The following HAO1 variants were observed in gnomAD, a reference collection of about 807,000 sequenced individuals.
HAO1 encodes 2-Hydroxyacid oxidase 1.
Under a neutral mutation model 39.7 loss-of-function variants are expected in HAO1, and 34 were observed. The ratio of observed to expected loss-of-function variants is 0.86; its 90% confidence interval spans 0.65 to 1.14. The LOEUF (loss-of-function observed/expected upper bound fraction) is 1.14. Ranked by LOEUF, HAO1 falls within the 50% of genes most tolerant of loss-of-function variation. The pLI is 0.00. For missense variants in HAO1, 479 were observed against 464.5 expected (o/e 1.03, Z -0.29); for synonymous variants, 172 against 173.2 (o/e 0.99, Z 0.05).
chr20:7,910,275 G>A (rs1173872784), intron 3 of HAO1, among the ~76,000 whole-genome samples: 2 of 152,152 alleles, frequency 1.3e-5, no homozygotes, highest in Non-Finnish European at 2.9e-5. Flanking sequence ...AGTTTTCAGA[G>A]ACTCAAAATG....
chr20:7,916,523 A>G (rs1311442885), intron 2 of HAO1, among the ~76,000 whole-genome samples: 1 of 152,190 alleles, frequency 6.6e-6, no homozygotes, highest in East Asian at 1.9e-4. Flanking sequence ...AATGAAACAC[A>G]GATTTCTGGG....
Position 7,906,157 on chromosome 20 carries a change from T to TTG in HAO1, c.717_718insCA (p.Arg240GlnfsTer14). ...TCAAGTAGAGAAATAAACGAACCTC[T>TTG]CAAAATGCCCTTTGCAACAATTGGC... On this transcript the variant is annotated frameshift_variant, in exon 4 of 8. Transcript: ENST00000378789. LOFTEE classifies it high-confidence loss of function. 1 of 1,609,040 alleles carries TTG rather than the reference T, an allele frequency of 6.2e-7. No individual in the cohort carries two copies.
intron 5 of HAO1, among the ~76,000 whole-genome samples, chr20:7,888,245 T>G (rs538886348): frequency 6.6e-6 from 1 of 152,194 alleles, no homozygotes; most frequent in South Asian, 2.1e-4. Flanking sequence ...GAGTAAGGGA[T>G]GTAGAAAGAA....
In HAO1 at chr20:7,894,995, A is replaced by C; in HGVS notation, c.813+138T>G. The C allele has an allele frequency of 6.2e-6, 4 of 640,380 alleles. No homozygotes were observed. The South Asian group carries it at 8.5e-5, about 14-fold the overall frequency. The allele number at this position is 640,380 out of a possible 1,614,324, so 39.7% of individuals were successfully genotyped here. On this transcript the variant is annotated intron_variant, in intron 5 of 7. Transcript: ENST00000378789. The stretch of plus-strand genomic sequence containing the variant: ...TATGTGCCACTAAACTTAAAATCCA[A>C]GATCTCACATATTTGCACGTATTTC...
intron 2 of HAO1, among the ~76,000 whole-genome samples, chr20:7,917,511 T>A (rs1319471749): frequency 6.6e-6 from 1 of 152,030 alleles, no homozygotes; most frequent in African/African-American, 2.4e-5. Flanking sequence ...ATAAATGTAC[T>A]CCCTCAATAT....
intron 2 of HAO1, among the ~76,000 whole-genome samples, chr20:7,921,684 G>C (rs2050333734): frequency 6.6e-6 from 1 of 152,092 alleles, no homozygotes; most frequent in South Asian, 2.1e-4. Flanking sequence ...ATTCACAATA[G>C]CAAAGACATG....
chr20:7,885,788 C>T lies in HAO1; in HGVS notation c.890G>A (p.Gly297Asp), dbSNP rs772385342. The change falls in exon 6 of 8, where the codon GGC becomes GAC. Residue 297 changes from glycine (G) to aspartate (D), a missense_variant. Physicochemically the swap from Gly to Asp is moderately conservative, Grantham distance 94. Transcript: ENST00000378789. ...EVFLDGGVRK[G>D]TDVLKALALG... ...AGCCAGAGCTTTCAGAACATCAGTG[C>T]CTTTCCGCACACCCCCGTCCAGGAA... The T allele has an allele frequency of 3.7e-6, 6 of 1,613,252 alleles. No individual in the cohort carries two copies. Among genetic ancestry groups the T allele is most frequent in the Non-Finnish European group, 5.1e-6 (6 of 1,179,344 alleles).
intron 5 of HAO1, among the ~76,000 whole-genome samples, chr20:7,893,144 T>C (rs1287128181): frequency 2.6e-4 from 39 of 152,138 alleles, no homozygotes; most frequent in Admixed American, 2.6e-3. Flanking sequence ...TCCTTATCTA[T>C]CCAGGCAGAT....
At chr20:7,889,371 GA>G (rs369209671) in intron 5 of HAO1, among the ~76,000 whole-genome samples, 3 of 151,428 alleles carry the variant, frequency 2.0e-5, no homozygotes, top group Non-Finnish European at 2.9e-5. Flanking sequence ...ATGAAAAATT[GA>G]AAAAAAATGC....
intron 2 of HAO1, 36 bp downstream of exon 2, chr20:7,934,448 C>A: frequency 1.3e-6 from 2 of 1,561,124 alleles, no homozygotes; most frequent in African/African-American, 1.4e-5. Flanking sequence ...AAACGTTAGC[C>A]TCCTTCTGTC....
chr20:7,889,371 G>GA (rs369209671), intron 5 of HAO1, among the ~76,000 whole-genome samples: 19 of 151,306 alleles, frequency 1.3e-4, no homozygotes, highest in African/African-American at 3.6e-4. Context: ...ATGAAAAATT[G>GA]AAAAAAAATG....
chr20:7,914,981 G>A (rs1391171735), intron 2 of HAO1, among the ~76,000 whole-genome samples: 4 of 152,200 alleles, frequency 2.6e-5, no homozygotes, highest in African/African-American at 7.2e-5. Flanking sequence ...TTAACCGGGC[G>A]TGGTCATGGG....
intron 7 of HAO1, among the ~76,000 whole-genome samples, chr20:7,884,577 G>T (rs533620375): frequency 6.6e-6 from 1 of 152,172 alleles, no homozygotes. Context: ...TGGAGGAAGA[G>T]CATCCAGGCA....
intron 3 of HAO1, 68 bp downstream of exon 3, chr20:7,914,096 C>G: frequency 1.9e-6 from 3 of 1,569,648 alleles, no homozygotes; most frequent in Non-Finnish European, 2.6e-6. Flanking sequence ...ATCAGTAGAA[C>G]CCAGACCCTA....
At chr20:7,931,633 T>A (rs1000127243) in intron 2 of HAO1, among the ~76,000 whole-genome samples, 1 of 152,166 alleles carries the variant, frequency 6.6e-6, no homozygotes, top group Admixed American at 6.5e-5. Flanking sequence ...GCTTTATAAG[T>A]GTTAAATAAA....
chr20:7,930,424 T>G (rs1308339359), intron 2 of HAO1, among the ~76,000 whole-genome samples: 1 of 152,182 alleles, frequency 6.6e-6, no homozygotes, highest in African/African-American at 2.4e-5. Context: ...GTATGAATAT[T>G]CTTACACTGT....
chr20:7,928,613 A>G (rs1361639673), intron 2 of HAO1, among the ~76,000 whole-genome samples: 2 of 152,074 alleles, frequency 1.3e-5, no homozygotes, highest in Non-Finnish European at 2.9e-5. Context: ...AGATCCCTGG[A>G]AACAACCCCA....
chr20:7,894,258 G>T (rs904907039), intron 5 of HAO1, among the ~76,000 whole-genome samples: 3 of 152,088 alleles, frequency 2.0e-5, no homozygotes, highest in African/African-American at 7.2e-5. Flanking sequence ...TGCCCTAAGT[G>T]CCTCTGTCGG....
rs1458587385 is a variant in HAO1, at chr20:7,940,414, G to T, written c.9C>A (p.Pro3=). ...CATAATCATTGATACAAATTAGCCG[G>T]GGGAGCATTTTCACAGGTTATTGCT... is the stretch of plus-strand genomic sequence containing the variant. ML[P]RLICINDYEQ... Residue 3 remains proline (P), a synonymous_variant, in exon 1 of 8, where the codon CCC becomes CCA. Transcript: ENST00000378789. 1 of 1,605,942 alleles carries T rather than the reference G, an allele frequency of 6.2e-7. No homozygotes were observed. Among genetic ancestry groups the T allele is most frequent in the South Asian group, 1.1e-5 (1 of 88,746 alleles).
Sources: gnomAD v4.1 joint callset for allele counts (sites outside exome capture counted in the v4.1 genomes callset) on GRCh38, gnomAD v4.1.1 for gene constraint, MANE v1.5 for transcripts, NCBI Gene and HGNC (gene_info 2026-07-23, HGNC 2026-07-21) for gene names.